The following SLMAP variants were observed in gnomAD, a reference collection of about 807,000 sequenced individuals.
SLMAP encodes sarcolemmal membrane-associated protein.
In SLMAP, 44 loss-of-function variants were observed where a neutral mutation model predicts 128.8. That is an observed-to-expected ratio of 0.34 (90% CI 0.27 to 0.44). The LOEUF is 0.44. Ranked by LOEUF, SLMAP falls within the 20% of genes least tolerant of loss-of-function variation. SLMAP has a pLI of 1.00. For missense variants in SLMAP, 787 were observed against 985.3 expected (o/e 0.80, Z 2.69); for synonymous variants, 327 against 348.8 (o/e 0.94, Z 0.70).
intron 6 of SLMAP, among the ~76,000 whole-genome samples, chr3:57,855,132 C>G (rs978585513): frequency 3.9e-5 from 6 of 152,140 alleles, no homozygotes; most frequent in African/African-American, 1.4e-4. Flanking sequence ...AATCCCAGCA[C>G]TTTGGGTGAC....
At chr3:57,830,074 G>A (rs181891516) in intron 2 of SLMAP, among the ~76,000 whole-genome samples, 3 of 152,090 alleles carry the variant, frequency 2.0e-5, no homozygotes, top group African/African-American at 7.2e-5. Flanking sequence ...TCGCTCTGTT[G>A]TCCAGGCTGG....
intron 23 of SLMAP, among the ~76,000 whole-genome samples, chr3:57,923,958 G>T (rs2096958808): frequency 6.6e-6 from 1 of 152,168 alleles, no homozygotes; most frequent in Non-Finnish European, 1.5e-5. Flanking sequence ...GGGTGTGGAG[G>T]CTTTATGCTA....
intron 2 of SLMAP, among the ~76,000 whole-genome samples, chr3:57,778,694 G>C (rs895051669): frequency 2.7e-5 from 4 of 150,266 alleles, no homozygotes; most frequent in African/African-American, 4.9e-5. Flanking sequence ...CCCGTCCTCA[G>C]CCTCCTGAGT....
intron 14 of SLMAP, among the ~76,000 whole-genome samples, chr3:57,882,049 T>C (rs762101663): frequency 7.5e-4 from 114 of 152,206 alleles, no homozygotes; most frequent in Non-Finnish European, 1.2e-3. Flanking sequence ...AATCATTATT[T>C]AGTACTTATA....
At chr3:57,875,960 C>T (rs1466324666) in intron 14 of SLMAP, among the ~76,000 whole-genome samples, 1 of 152,198 alleles carries the variant, frequency 6.6e-6, no homozygotes. Context: ...TTAACAAGTT[C>T]ACACAAGGTT....
chr3:57,851,184 A>G (rs968340844), intron 6 of SLMAP, among the ~76,000 whole-genome samples: 1 of 152,190 alleles, frequency 6.6e-6, no homozygotes, highest in East Asian at 1.9e-4. Flanking sequence ...TAGAGCTGGG[A>G]TTTGAACCTG....
intron 2 of SLMAP, among the ~76,000 whole-genome samples, chr3:57,821,909 C>G (rs2092552938): frequency 7.1e-6 from 1 of 141,446 alleles, no homozygotes. Context: ...GCTGCAATAC[C>G]TGTTCCTCCT....
rs150458525 is a variant in SLMAP, at chr3:57,860,307, A to G, written c.688-392A>G. On this transcript the variant is annotated intron_variant, in intron 8 of 24. Coordinates refer to ENST00000671191, the MANE Select transcript of SLMAP (RefSeq NM_001377540.1). ...CAGACATGAAGTCTGCTTTTCCCCC[A>G]TGGTACTCTTATTCCTTTTGTTTTA... Among the ~76,000 whole-genome samples, 207 of 152,218 alleles carry G rather than the reference A, an allele frequency of 1.4e-3. 1 individual carries two copies. Among genetic ancestry groups the G allele is most frequent in the African/African-American group, 4.3e-3 (180 of 41,544 alleles).
intron 5 of SLMAP, among the ~76,000 whole-genome samples, chr3:57,847,604 G>A (rs2094316377): frequency 6.6e-6 from 1 of 152,270 alleles, no homozygotes; most frequent in African/African-American, 2.4e-5. Flanking sequence ...ATACAGGGAG[G>A]TAATACAGAA....
chr3:57,854,400 C>G (rs919910724), intron 6 of SLMAP, among the ~76,000 whole-genome samples: 11 of 151,968 alleles, frequency 7.2e-5, no homozygotes, highest in Non-Finnish European at 2.9e-5. Flanking sequence ...GAGTTCAAGA[C>G]CAGCCTGGCA....
intron 2 of SLMAP, among the ~76,000 whole-genome samples, chr3:57,828,466 A>G (rs2093082233): frequency 6.6e-6 from 1 of 152,240 alleles, no homozygotes. Context: ...AATGTGCTGT[A>G]GCTGTATACA....
At chr3:57,818,855 G>A (rs1482828610) in intron 2 of SLMAP, among the ~76,000 whole-genome samples, 2 of 152,190 alleles carry the variant, frequency 1.3e-5, no homozygotes, top group South Asian at 2.1e-4. Flanking sequence ...GAATTTGAAT[G>A]TGATACTTTC....
intron 2 of SLMAP, among the ~76,000 whole-genome samples, chr3:57,801,705 A>T (rs1266368796): frequency 6.8e-6 from 1 of 146,690 alleles, no homozygotes; most frequent in Non-Finnish European, 1.5e-5. Context: ...CGTGATCTTT[A>T]TTCATTTTTT....
intron 13 of SLMAP, among the ~76,000 whole-genome samples, chr3:57,867,551 G>A (rs2095340195): frequency 6.6e-6 from 1 of 152,034 alleles, no homozygotes; most frequent in Non-Finnish European, 1.5e-5. Context: ...CGGTATGATA[G>A]TGACTAATAG....
chr3:57,862,791 T>TA (rs905820335), intron 10 of SLMAP, among the ~76,000 whole-genome samples: 1 of 152,128 alleles, frequency 6.6e-6, no homozygotes, highest in Non-Finnish European at 1.5e-5. Flanking sequence ...AAGATTTCTA[T>TA]AAAAAAAGAT....
intron 21 of SLMAP, among the ~76,000 whole-genome samples, chr3:57,914,147 T>G (rs527312255): frequency 6.6e-6 from 1 of 152,284 alleles, no homozygotes; most frequent in East Asian, 1.9e-4. Flanking sequence ...TCCAGCAAAT[T>G]TAATGAAGTC....
At chr3:57,764,908 A>G (rs916038744) in intron 2 of SLMAP, among the ~76,000 whole-genome samples, 2 of 152,266 alleles carry the variant, frequency 1.3e-5, no homozygotes, top group Non-Finnish European at 1.5e-5. Context: ...CCAGAAAATG[A>G]AAAAAGATAA....
At chr3:57,790,974 A>C (rs1259170226) in intron 2 of SLMAP, among the ~76,000 whole-genome samples, 1 of 152,188 alleles carries the variant, frequency 6.6e-6, no homozygotes, top group Admixed American at 6.5e-5. Flanking sequence ...GGGTTCTAGG[A>C]TGGAAAAACT....
At chr3:57,857,709 CT>C in intron 6 of SLMAP, 23 bp from the exon 7 acceptor site, 1 of 1,468,774 alleles carries the variant, frequency 6.8e-7, no homozygotes, top group Non-Finnish European at 9.5e-7. Flanking sequence ...TTATTAGAAT[CT>C]GTTTTGTGAT....
Sources: allele counts gnomAD v4.1 joint callset (sites outside exome capture counted in the v4.1 genomes callset), GRCh38; gene constraint gnomAD v4.1.1; transcripts MANE v1.5; gene names NCBI Gene and HGNC (gene_info 2026-07-23, HGNC 2026-07-21).